The following SLC9A9 variants were observed in gnomAD, a reference collection of about 807,000 sequenced individuals.
The protein encoded by SLC9A9 is solute carrier family 9 member A9.
In SLC9A9, 62 loss-of-function variants were observed where a neutral mutation model predicts 77.8. The observed-to-expected ratio is 0.80, with a 90% CI of 0.65 to 0.98. The LOEUF (loss-of-function observed/expected upper bound fraction) is 0.98, where lower values mean the gene tolerates loss of function less well. SLC9A9 is among the 50% of genes least tolerant of loss of function. SLC9A9 has a pLI of 0.00. For synonymous variants in SLC9A9, 320 were observed against 283.5 expected (o/e 1.13, Z -1.29); for missense variants, 775 against 774.9 (o/e 1.00, Z 0.00).
intron 9 of SLC9A9, among the ~76,000 whole-genome samples, chr3:143,526,351 C>T (rs1410543468): frequency 6.6e-6 from 1 of 152,180 alleles, no homozygotes; most frequent in Non-Finnish European, 1.5e-5. Flanking sequence ...TGAATGGCTG[C>T]CCAGGAATGC....
chr3:143,603,397 G>C (rs1039154779), intron 6 of SLC9A9, among the ~76,000 whole-genome samples: 4 of 152,202 alleles, frequency 2.6e-5, no homozygotes, highest in Non-Finnish European at 2.9e-5. Context: ...GTGACCAACA[G>C]AATTGGCTGG....
intron 6 of SLC9A9, among the ~76,000 whole-genome samples, chr3:143,601,326 C>A (rs1411343321): frequency 1.3e-5 from 2 of 152,080 alleles, no homozygotes; most frequent in African/African-American, 4.8e-5. Flanking sequence ...CCTCCCCACC[C>A]CCAAATTTAA....
At chr3:143,554,392 A>T (rs2036942398) in intron 8 of SLC9A9, among the ~76,000 whole-genome samples, 1 of 152,240 alleles carries the variant, frequency 6.6e-6, no homozygotes, top group South Asian at 2.1e-4. Context: ...CCAGGGGGAA[A>T]CTTTGGGACC....
At chr3:143,698,048 A>C (rs1404290521) in intron 4 of SLC9A9, 2 of 152,250 alleles carry the variant, frequency 1.3e-5, no homozygotes, top group African/African-American at 4.8e-5. Context: ...CTAAAAAATG[A>C]AGCCACCCAT....
chr3:143,728,258 C>A (rs1414615348), intron 4 of SLC9A9, among the ~76,000 whole-genome samples: 1 of 152,040 alleles, frequency 6.6e-6, no homozygotes, highest in Non-Finnish European at 1.5e-5. Flanking sequence ...AACGACCTGT[C>A]AGTGGTGGAG....
intron 2 of SLC9A9, among the ~76,000 whole-genome samples, chr3:143,825,733 G>C (rs138999075): frequency 0.011 from 1,750 of 152,246 alleles, 26 homozygotes; most frequent in Non-Finnish European, 0.015. Context: ...CAAAATTTTC[G>C]CTGGGTAGTT....
chr3:143,560,120 A>G (rs1028101416), intron 8 of SLC9A9, among the ~76,000 whole-genome samples: 1 of 152,246 alleles, frequency 6.6e-6, no homozygotes, highest in African/African-American at 2.4e-5. Flanking sequence ...GACTCTGGGT[A>G]TTAATGTACA....
chr3:143,609,166 G>C (rs1023752773), intron 6 of SLC9A9, among the ~76,000 whole-genome samples: 1 of 152,134 alleles, frequency 6.6e-6, no homozygotes, highest in African/African-American at 2.4e-5. Context: ...TGACCTAAGA[G>C]AACAGATTCC....
At chr3:143,578,113 G>A (rs1002799256) in intron 7 of SLC9A9, among the ~76,000 whole-genome samples, 1 of 152,174 alleles carries the variant, frequency 6.6e-6, no homozygotes, top group African/African-American at 2.4e-5. Flanking sequence ...GTGGATGCTT[G>A]TTTAGACCCA....
chr3:143,697,273 C>T (rs564213877), intron 4 of SLC9A9, among the ~76,000 whole-genome samples: 2 of 152,088 alleles, frequency 1.3e-5, no homozygotes, highest in African/African-American at 4.8e-5. Context: ...TATACTTAGG[C>T]ATACATATAA....
intron 13 of SLC9A9, among the ~76,000 whole-genome samples, chr3:143,371,342 C>T (rs193076134): frequency 5.9e-5 from 9 of 152,096 alleles, no homozygotes; most frequent in Admixed American, 2.0e-4. Context: ...GCCCTAAAAC[C>T]GAGGATGAAA....
intron 11 of SLC9A9, among the ~76,000 whole-genome samples, chr3:143,470,126 GTCATGGTAAAGCTTCTAGCAGTGTTTA>G (rs1251844719): frequency 5.9e-5 from 9 of 152,250 alleles, no homozygotes; most frequent in Non-Finnish European, 1.0e-4. Context: ...GAATTTATAG[GTCATGGTAAAGCTTCTAGCAGTGTTTA>G]ATCATAGTAC....
chr3:143,771,979 G>A (rs1035151755), intron 4 of SLC9A9, among the ~76,000 whole-genome samples: 4 of 151,898 alleles, frequency 2.6e-5, no homozygotes, highest in Admixed American at 1.3e-4. Flanking sequence ...GCTGAGCTGC[G>A]GCTGGGCAGA....
intron 6 of SLC9A9, among the ~76,000 whole-genome samples, chr3:143,606,149 TAGCAC>T (rs56828926): frequency 0.47 from 70,799 of 151,098 alleles, 17,558 homozygotes; most frequent in African/African-American, 0.65. Context: ...TCTGTAATCC[TAGCAC>T]AGCACGTTGG....
At chr3:143,469,876 TA>T (rs953387650) in intron 11 of SLC9A9, among the ~76,000 whole-genome samples, 1 of 152,132 alleles carries the variant, frequency 6.6e-6, no homozygotes, top group African/African-American at 2.4e-5. Flanking sequence ...TAGATATTAA[TA>T]AAAAAGTTCT....
intron 6 of SLC9A9, among the ~76,000 whole-genome samples, chr3:143,606,434 C>CTATATATATATATATATA (rs1427549304): frequency 7.6e-4 from 40 of 52,946 alleles, no homozygotes; most frequent in African/African-American, 8.4e-4. Flanking sequence ...CTCTCTCTCT[C>CTATATATATATATATATA]TCTATATATA....
rs114850217 is a variant in SLC9A9, at chr3:143,734,757, C to A, written c.534-41450G>T. On this transcript the variant is annotated intron_variant, in intron 4 of 15. Coordinates refer to ENST00000316549, the MANE Select transcript of SLC9A9 (RefSeq NM_173653.4). ...CAAAAAAAAAAAAAAAAAAAAGATA[C>A]GTAGACTCTTCTACAGAGAGATTCA... Among the ~76,000 whole-genome samples the A allele has an allele frequency of 3.2e-3, 480 of 148,910 alleles. 4 individuals carry two copies. The highest frequency in any genetic ancestry group is 0.011 in the African/African-American group (450 of 40,298).
chr3:143,795,320 G>A (rs1279489990), intron 3 of SLC9A9, among the ~76,000 whole-genome samples: 1 of 151,122 alleles, frequency 6.6e-6, no homozygotes, highest in Non-Finnish European at 1.5e-5. Flanking sequence ...AGATGAGTAG[G>A]TAGGGATGAG....
At chr3:143,663,502 T>C (rs922513803) in intron 5 of SLC9A9, among the ~76,000 whole-genome samples, 1 of 152,136 alleles carries the variant, frequency 6.6e-6, no homozygotes, top group East Asian at 1.9e-4. Flanking sequence ...AGAAGATTGG[T>C]AATAACAAAT....
Sources: allele counts gnomAD v4.1 joint callset (sites outside exome capture counted in the v4.1 genomes callset), GRCh38; gene constraint gnomAD v4.1.1; transcripts MANE v1.5; gene names NCBI Gene and HGNC (gene_info 2026-07-23, HGNC 2026-07-21).